UTS2B: variants seen among roughly 807,000 people sequenced by gnomAD.
UTS2B encodes urotensin 2B, also known as urotensin-2B.
In UTS2B, 21 loss-of-function variants were observed where a neutral mutation model predicts 19.2. That is an observed-to-expected ratio of 1.09 (90% confidence interval 0.78 to 1.58). The LOEUF is 1.58. Among genes scored for constraint, UTS2B ranks in the 40% most tolerant of loss-of-function variants. The pLI is 0.00. For synonymous variants in UTS2B, 57 were observed against 50.2 expected (o/e 1.14, Z -0.58); for missense variants, 138 against 130.3 (o/e 1.06, Z -0.29).
chr3:191,338,205 G>T, the UTS2B span, among the ~76,000 whole-genome samples: 2 of 152,198 alleles, frequency 1.3e-5, no homozygotes, highest in African/African-American at 2.4e-5. Context: ...CTATGGAGGA[G>T]TCCATGATTG....
chr3:191,314,710 A>G (rs1717399931), intron 3 of UTS2B, among the ~76,000 whole-genome samples: 1 of 152,172 alleles, frequency 6.6e-6, no homozygotes, highest in African/African-American at 2.4e-5. Flanking sequence ...CACAACCTCC[A>G]GAGATGGGGA....
chr3:191,322,425 G>T (rs1450043147), intron 2 of UTS2B, among the ~76,000 whole-genome samples: 1 of 152,198 alleles, frequency 6.6e-6, no homozygotes, highest in Non-Finnish European at 1.5e-5. Flanking sequence ...AATAAAAGGA[G>T]AATGAGATTG....
chr3:191,320,862 A>G (rs368042796), intron 2 of UTS2B, among the ~76,000 whole-genome samples: 41 of 152,368 alleles, frequency 2.7e-4, no homozygotes, highest in African/African-American at 8.9e-4. Context: ...CTAATTAAAT[A>G]TTCAACTTAG....
At chr3:191,281,831 A>T (rs1167479413) in intron 5 of UTS2B, among the ~76,000 whole-genome samples, 1 of 151,934 alleles carries the variant, frequency 6.6e-6, no homozygotes, top group African/African-American at 2.4e-5. Context: ...ATTTAAAAAA[A>T]AATAAACTAT....
chr3:191,272,955 AG>A (rs1438167856), intron 8 of UTS2B, among the ~76,000 whole-genome samples: 2 of 151,886 alleles, frequency 1.3e-5, no homozygotes, highest in Non-Finnish European at 2.9e-5. Context: ...ACCTGAGGTC[AG>A]GAGTTTGAAA....
At chr3:191,279,429 C>A (rs1716322102) in intron 5 of UTS2B, among the ~76,000 whole-genome samples, 1 of 151,762 alleles carries the variant, frequency 6.6e-6, no homozygotes, top group Non-Finnish European at 1.5e-5. Flanking sequence ...AAATTGTAAT[C>A]TTTAAAATGT....
At chr3:191,300,604 C>A (rs890499593) in intron 4 of UTS2B, among the ~76,000 whole-genome samples, 1 of 151,910 alleles carries the variant, frequency 6.6e-6, no homozygotes, top group Non-Finnish European at 1.5e-5. Flanking sequence ...GTGGGAGGAG[C>A]CAGAGGCAGA....
intron 2 of UTS2B, among the ~76,000 whole-genome samples, chr3:191,320,347 T>G (rs1241326552): frequency 6.6e-6 from 1 of 152,222 alleles, no homozygotes; most frequent in Non-Finnish European, 1.5e-5. Context: ...ATGCGTGGCT[T>G]ATTCAAAGAA....
At chr3:191,311,835 T>C (rs2108603732) in intron 3 of UTS2B, among the ~76,000 whole-genome samples, 1 of 152,258 alleles carries the variant, frequency 6.6e-6, no homozygotes, top group South Asian at 2.1e-4. Flanking sequence ...TCCAGTTATG[T>C]GGCATGAAAA....
intron 4 of UTS2B, among the ~76,000 whole-genome samples, chr3:191,299,547 G>C (rs1021464885): frequency 1.3e-5 from 2 of 152,258 alleles, no homozygotes; most frequent in African/African-American, 4.8e-5. Flanking sequence ...AAGAGTTGGG[G>C]CTTGAGAGCC....
chr3:191,312,784 C>T (rs906905144), intron 3 of UTS2B, among the ~76,000 whole-genome samples: 5 of 152,184 alleles, frequency 3.3e-5, no homozygotes, highest in African/African-American at 1.2e-4. Context: ...AGGCCCCCTC[C>T]TCTCCTTGTA....
chr3:191,329,697 A>C, intron 1 of UTS2B: 2 of 1,610,862 alleles, frequency 1.2e-6, no homozygotes, highest in Non-Finnish European at 1.7e-6. Context: ...AGCATCGACC[A>C]GTCCAAGCTG....
intron 8 of UTS2B, among the ~76,000 whole-genome samples, chr3:191,274,363 G>A (rs549418876): frequency 2.6e-5 from 4 of 152,064 alleles, no homozygotes; most frequent in African/African-American, 9.6e-5. Flanking sequence ...CTACATACTA[G>A]GAATTATTTT....
the UTS2B span, among the ~76,000 whole-genome samples, chr3:191,340,992 A>ATT: frequency 9.6e-5 from 14 of 145,984 alleles, no homozygotes; most frequent in South Asian, 6.6e-4. Context: ...CAGCTAATTA[A>ATT]TTTTTTTTTT....
intron 3 of UTS2B, among the ~76,000 whole-genome samples, chr3:191,307,006 C>G (rs1717157999): frequency 1.3e-5 from 2 of 152,192 alleles, no homozygotes; most frequent in African/African-American, 4.8e-5. Context: ...CCTTGGTTCA[C>G]CTCTGGCAGC....
intron 2 of UTS2B, among the ~76,000 whole-genome samples, chr3:191,323,624 T>A (rs1717667914): frequency 6.6e-6 from 1 of 152,316 alleles, no homozygotes; most frequent in Non-Finnish European, 1.5e-5. Context: ...AGATTAGCCA[T>A]GTCTTGGCAT....
intron 4 of UTS2B, among the ~76,000 whole-genome samples, chr3:191,291,823 G>A (rs141060447): frequency 3.6e-5 from 5 of 140,358 alleles, no homozygotes; most frequent in East Asian, 3.9e-4. Flanking sequence ...ATTTATTTTC[G>A]CATGTGGATA....
chr3:191,330,883 G>A (rs1203563311), upstream of UTS2B, among the ~76,000 whole-genome samples: 3 of 152,120 alleles, frequency 2.0e-5, no homozygotes, highest in Non-Finnish European at 4.4e-5. Context: ...AATTTCTGAT[G>A]GGCCTAGTTC....
chr3:191,315,472 C>CT (rs1553833629), intron 3 of UTS2B, among the ~76,000 whole-genome samples: 1 of 152,152 alleles, frequency 6.6e-6, no homozygotes, highest in Non-Finnish European at 1.5e-5. Context: ...GATCTGATAC[C>CT]ACCTCCAGGT....
Sources: gnomAD v4.1 joint callset for allele counts (sites outside exome capture counted in the v4.1 genomes callset) on GRCh38, gnomAD v4.1.1 for gene constraint, MANE v1.5 for transcripts, NCBI Gene and HGNC (gene_info 2026-07-23, HGNC 2026-07-21) for gene names.